Variants in UBE2H observed in about 807,000 individuals in gnomAD.
UBE2H encodes the protein ubiquitin-conjugating enzyme E2 H.
A neutral mutation model predicts 29.0 loss-of-function variants in UBE2H; 3 were observed. That is an observed-to-expected ratio of 0.10 (90% CI 0.05 to 0.27). The LOEUF (loss-of-function observed/expected upper bound fraction) is 0.27, where lower values mean the gene tolerates loss of function less well. Ranked by LOEUF, UBE2H falls within the 10% of genes least tolerant of loss-of-function variation. The pLI, the probability that UBE2H is intolerant of heterozygous loss-of-function variation, is 1.00. For missense variants in UBE2H, 68 were observed against 228.2 expected, an observed-to-expected ratio of 0.30 and a Z score of 4.52; for synonymous variants, 69 against 82.9, an observed-to-expected ratio of 0.83 and a Z score of 0.91.
At chr7:129,932,773 CAAAAAAA>C (rs1208871059) in intron 1 of UBE2H, among the ~76,000 whole-genome samples, 2 of 33,210 alleles carry the variant, frequency 6.0e-5, no homozygotes, top group South Asian at 1.1e-3. Context: ...GACTCCGTCT[CAAAAAAA>C]AAAAAAAAAA....
chr7:129,919,013 G>C (rs1301752241), intron 1 of UBE2H, among the ~76,000 whole-genome samples: 2 of 151,330 alleles, frequency 1.3e-5, no homozygotes, highest in Admixed American at 1.3e-4. Context: ...GAGCCCGAGA[G>C]GTCGAGGCTG....
chr7:129,842,345 G>C (rs879640451), intron 5 of UBE2H, among the ~76,000 whole-genome samples: 1 of 151,990 alleles, frequency 6.6e-6, no homozygotes, highest in Non-Finnish European at 1.5e-5. Flanking sequence ...AGGCAGAATT[G>C]CTTGAACCTG....
At chr7:129,835,916 T>C (rs1805316440) in intron 6 of UBE2H, among the ~76,000 whole-genome samples, 1 of 152,222 alleles carries the variant, frequency 6.6e-6, no homozygotes, top group Non-Finnish European at 1.5e-5. Flanking sequence ...ATAAGCTGAA[T>C]GGCCAAATGG....
At chr7:129,899,119 T>C (rs1806658300) in intron 1 of UBE2H, among the ~76,000 whole-genome samples, 1 of 152,224 alleles carries the variant, frequency 6.6e-6, no homozygotes, top group African/African-American at 2.4e-5. Flanking sequence ...TTCATATCCA[T>C]TAGTGAATAG....
chr7:129,931,179 C>T (rs532969146), intron 1 of UBE2H, among the ~76,000 whole-genome samples: 17 of 151,732 alleles, frequency 1.1e-4, no homozygotes, highest in Admixed American at 2.0e-4. Flanking sequence ...TGAGATTGTG[C>T]CACTGCACTC....
intron 1 of UBE2H, among the ~76,000 whole-genome samples, chr7:129,950,016 G>T (rs536566530): frequency 2.0e-5 from 3 of 152,110 alleles, no homozygotes; most frequent in African/African-American, 7.2e-5. Context: ...TTAGTAGAGG[G>T]CTGGGGAATT....
chr7:129,854,060 G>GGTTTTTTTTTTTTTTTTATT (rs1554430936), intron 5 of UBE2H, among the ~76,000 whole-genome samples: 1 of 100,312 alleles, frequency 1.0e-5, no homozygotes. Flanking sequence ...TTTAGTGTTA[G>GGTTTTTTTTTTTTTTTTATT]TTTTTTTTTT....
chr7:129,902,888 A>G (rs981682576), intron 1 of UBE2H, among the ~76,000 whole-genome samples: 1 of 152,190 alleles, frequency 6.6e-6, no homozygotes, highest in Non-Finnish European at 1.5e-5. Flanking sequence ...TTAGTGTCTT[A>G]CATATGTTAC....
intron 2 of UBE2H, 34 bp downstream of exon 2, chr7:129,880,861 T>C (rs376095889): frequency 1.1e-5 from 18 of 1,567,464 alleles, no homozygotes; most frequent in Non-Finnish European, 1.6e-5. Flanking sequence ...TAAAAGACTG[T>C]AATAGAAGAA....
chr7:129,944,125 G>A (rs919158605), intron 1 of UBE2H, among the ~76,000 whole-genome samples: 4 of 151,750 alleles, frequency 2.6e-5, no homozygotes, highest in Admixed American at 1.3e-4. Context: ...GGGAGGCCAC[G>A]GTGGGCAGAT....
chr7:129,947,590 ATTT>A (rs905739578), intron 1 of UBE2H, among the ~76,000 whole-genome samples: 3 of 152,270 alleles, frequency 2.0e-5, no homozygotes, highest in African/African-American at 7.2e-5. Context: ...TAGTTTTGAA[ATTT>A]TTTTAAACAG....
At chr7:129,902,220 C>T (rs1296397305) in intron 1 of UBE2H, among the ~76,000 whole-genome samples, 3 of 152,206 alleles carry the variant, frequency 2.0e-5, no homozygotes, top group South Asian at 2.1e-4. Flanking sequence ...ATTACATGGC[C>T]GGGCACGGTG....
In UBE2H at chr7:129,917,163, C is replaced by T. The variant is rs978543424; in HGVS notation, c.53+35340G>A. On this transcript the variant is annotated intron_variant, in intron 1 of 6. Coordinates refer to ENST00000355621, the MANE Select transcript of UBE2H (RefSeq NM_003344.4). ...GAGCCGAGATCGTGCCACTGCACTC[C>T]GGCCTGGCAACAAAGCGAGACTCCG... 2.0e-4 allele frequency among the ~76,000 whole-genome samples: 30 copies of T among 152,138 alleles called. 2 individuals carry two copies. The highest frequency in any genetic ancestry group is 1.8e-3 in the Admixed American group (27 of 15,280).
intron 1 of UBE2H, among the ~76,000 whole-genome samples, chr7:129,952,217 A>G (rs1807891415): frequency 6.6e-6 from 1 of 152,146 alleles, no homozygotes; most frequent in Admixed American, 6.5e-5. Context: ...AAAAGAAAAA[A>G]GGCCGTCTCG....
chr7:129,875,817 T>TAA (rs1383321719), intron 3 of UBE2H, among the ~76,000 whole-genome samples: 2 of 152,206 alleles, frequency 1.3e-5, no homozygotes, highest in Admixed American at 1.3e-4. Context: ...TATCAAAGGC[T>TAA]AAAAACTGTG....
At chr7:129,922,013 T>C (rs1807173801) in intron 1 of UBE2H, among the ~76,000 whole-genome samples, 1 of 152,084 alleles carries the variant, frequency 6.6e-6, no homozygotes, top group South Asian at 2.1e-4. Flanking sequence ...TTAGACAGTC[T>C]CACTTTGTCA....
At chr7:129,937,603 A>T (rs1270868726) in intron 1 of UBE2H, among the ~76,000 whole-genome samples, 1 of 152,218 alleles carries the variant, frequency 6.6e-6, no homozygotes, top group Admixed American at 6.5e-5. Context: ...CAAACAACAC[A>T]GGTATACTCA....
intron 1 of UBE2H, among the ~76,000 whole-genome samples, chr7:129,897,179 C>T (rs1806616695): frequency 6.6e-6 from 1 of 152,166 alleles, no homozygotes; most frequent in Non-Finnish European, 1.5e-5. Context: ...CAGTTTATGT[C>T]TCTAGAGATT....
chr7:129,863,571 T>C (rs1376854561), intron 3 of UBE2H, among the ~76,000 whole-genome samples: 5 of 152,190 alleles, frequency 3.3e-5, no homozygotes. Context: ...AAGAGTTAAG[T>C]CCTTAAAGGA....
Sources: gnomAD v4.1 joint callset for allele counts (sites outside exome capture counted in the v4.1 genomes callset) on GRCh38, gnomAD v4.1.1 for gene constraint, MANE v1.5 for transcripts, NCBI Gene and HGNC (gene_info 2026-07-23, HGNC 2026-07-21) for gene names.